ERBB4: variants seen among roughly 807,000 people sequenced by gnomAD.
The protein encoded by ERBB4 is erb-b2 receptor tyrosine kinase 4.
Under a neutral mutation model 158.0 loss-of-function variants are expected in ERBB4, and 42 were observed. The observed-to-expected ratio is 0.27, with a 90% CI of 0.21 to 0.34. The LOEUF is 0.34. Ranked by LOEUF, ERBB4 falls within the 10% of genes least tolerant of loss-of-function variation. The pLI is 1.00. For synonymous variants in ERBB4, 583 were observed against 558.7 expected (o/e 1.04, Z -0.61); for missense variants, 1,333 against 1,624.1 (o/e 0.82, Z 3.08).
intron 25 of ERBB4, among the ~76,000 whole-genome samples, chr2:211,397,520 T>A (rs1276638327): frequency 2.6e-5 from 4 of 152,174 alleles, no homozygotes; most frequent in African/African-American, 9.7e-5. Context: ...AATGACTTTC[T>A]TCAGGATGAT....
At chr2:211,952,382 A>T (rs1425628490) in intron 2 of ERBB4, among the ~76,000 whole-genome samples, 2 of 152,068 alleles carry the variant, frequency 1.3e-5, no homozygotes, top group African/African-American at 4.8e-5. Flanking sequence ...ATATTGGCAG[A>T]TCTGGATAAA....
At chr2:211,923,268 C>T (rs529054092) in intron 3 of ERBB4, among the ~76,000 whole-genome samples, 42 of 152,112 alleles carry the variant, frequency 2.8e-4, no homozygotes, top group Admixed American at 2.6e-4. Flanking sequence ...GAGAAAATCT[C>T]GCAACAAAGG....
At chr2:212,269,811 A>G (rs1422508882) in intron 1 of ERBB4, among the ~76,000 whole-genome samples, 3 of 151,760 alleles carry the variant, frequency 2.0e-5, no homozygotes, top group African/African-American at 7.2e-5. Context: ...GTGTTCACTG[A>G]TTGATACTCT....
At chr2:211,784,369 G>A (rs960599821) in intron 4 of ERBB4, among the ~76,000 whole-genome samples, 1 of 152,098 alleles carries the variant, frequency 6.6e-6, no homozygotes, top group Non-Finnish European at 1.5e-5. Flanking sequence ...TTTTGTGACT[G>A]GCTTATTTCC....
At chr2:212,284,275 C>T (rs141732712) in intron 1 of ERBB4, among the ~76,000 whole-genome samples, 150 of 151,484 alleles carry the variant, frequency 9.9e-4, no homozygotes, top group Middle Eastern at 6.8e-3. Flanking sequence ...CCATTCTTGC[C>T]CTCCTTCTTT....
intron 1 of ERBB4, among the ~76,000 whole-genome samples, chr2:212,386,861 G>T (rs12998688): frequency 0.16 from 24,414 of 151,800 alleles, 2,222 homozygotes; most frequent in South Asian, 0.25. Flanking sequence ...TGAAATTATG[G>T]ATCTCTCTGA....
intron 1 of ERBB4, among the ~76,000 whole-genome samples, chr2:212,269,406 T>C (rs2085263913): frequency 1.3e-5 from 2 of 151,812 alleles, no homozygotes; most frequent in African/African-American, 2.4e-5. Context: ...CCCATGTGTG[T>C]TCATACTTAT....
chr2:212,426,111 C>T (rs2091905960), intron 1 of ERBB4, among the ~76,000 whole-genome samples: 1 of 151,980 alleles, frequency 6.6e-6, no homozygotes, highest in South Asian at 2.1e-4. Flanking sequence ...CTATTTTAGA[C>T]TCTAACAACT....
At chr2:211,507,797 T>C (rs561532184) in intron 20 of ERBB4, among the ~76,000 whole-genome samples, 26 of 152,138 alleles carry the variant, frequency 1.7e-4, no homozygotes, top group Middle Eastern at 3.4e-3. Context: ...TATAGACCAA[T>C]GGAACAGAAT....
At chr2:212,385,618 T>C (rs1876047) in intron 1 of ERBB4, among the ~76,000 whole-genome samples, 24,018 of 151,796 alleles carry the variant, frequency 0.16, 2,188 homozygotes, top group South Asian at 0.25. Context: ...TATTCTTATT[T>C]ACACCTTTCT....
At chr2:211,875,025 C>CAAAAAA (rs746636278) in intron 3 of ERBB4, among the ~76,000 whole-genome samples, 142 of 26,868 alleles carry the variant, frequency 5.3e-3, no homozygotes, top group East Asian at 7.6e-3. Flanking sequence ...AATAGAAATG[C>CAAAAAA]AAAAAAAAAA....
Position 211,945,678 on chromosome 2 carries a change from C to T in ERBB4, c.421+1752G>A, listed in dbSNP as rs2080668871. Among the ~76,000 whole-genome samples, 3 of 151,958 alleles carry T rather than the reference C, an allele frequency of 2.0e-5. No individual in the cohort carries two copies. In the South Asian group the frequency reaches 6.2e-4, roughly 31 times the overall value. ...TTAAGTAATACAAGTTATGCACTTA[C>T]TCGGTATGAAGTATGTTTAAATGTG... On this transcript the variant is annotated intron_variant, in intron 3 of 27. Coordinates refer to ENST00000342788, the MANE Select transcript of ERBB4 (RefSeq NM_005235.3).
intron 16 of ERBB4, among the ~76,000 whole-genome samples, chr2:211,644,983 G>T (rs1159095548): frequency 6.6e-6 from 1 of 151,918 alleles, no homozygotes; most frequent in Non-Finnish European, 1.5e-5. Context: ...AGCCACGGGG[G>T]AGGAGAGTAA....
chr2:211,907,532 ATCAAG>A (rs2079429383), intron 3 of ERBB4, among the ~76,000 whole-genome samples: 1 of 151,560 alleles, frequency 6.6e-6, no homozygotes, highest in Non-Finnish European at 1.5e-5. Flanking sequence ...TTGGAAGAAG[ATCAAG>A]TCATTTTATT....
intron 1 of ERBB4, among the ~76,000 whole-genome samples, chr2:212,416,854 A>G (rs917735946): frequency 6.6e-6 from 1 of 152,098 alleles, no homozygotes; most frequent in Non-Finnish European, 1.5e-5. Context: ...ACAAGATAAC[A>G]TCAGCATATT....
chr2:211,709,274 TAC>T (rs56023302), intron 9 of ERBB4, among the ~76,000 whole-genome samples: 3 of 136,534 alleles, frequency 2.2e-5, no homozygotes, highest in East Asian at 2.3e-4. Flanking sequence ...TATATATATA[TAC>T]ATACATATAT....
At chr2:211,554,624 C>G (rs561835133) in intron 20 of ERBB4, among the ~76,000 whole-genome samples, 1 of 152,320 alleles carries the variant, frequency 6.6e-6, no homozygotes, top group South Asian at 2.1e-4. Flanking sequence ...CATATGCTTG[C>G]TTGTGATGGA....
chr2:212,053,953 C>T, intron 2 of ERBB4, among the ~76,000 whole-genome samples: 1 of 152,264 alleles, frequency 6.6e-6, no homozygotes, highest in Admixed American at 6.5e-5. Flanking sequence ...AGTCACTCTT[C>T]CCCATTAGTA....
At chr2:211,937,856 C>G (rs2080371571) in intron 3 of ERBB4, among the ~76,000 whole-genome samples, 1 of 152,136 alleles carries the variant, frequency 6.6e-6, no homozygotes, top group Non-Finnish European at 1.5e-5. Context: ...CAAACCATAT[C>G]TCTTTGAGAC....
Sources: gnomAD v4.1 joint callset for allele counts (sites outside exome capture counted in the v4.1 genomes callset) on GRCh38, gnomAD v4.1.1 for gene constraint, MANE v1.5 for transcripts, NCBI Gene and HGNC (gene_info 2026-07-23, HGNC 2026-07-21) for gene names.